Variants in MALRD1 observed in about 807,000 individuals in gnomAD.
MALRD1 encodes the protein MAM and LDL receptor class A domain containing 1, also known as MAM and LDL-receptor class A domain-containing protein 1.
MALRD1 carries 247 observed loss-of-function variants against 242.1 expected under a neutral mutation model. That is an observed-to-expected ratio of 1.02 (90% confidence interval 0.92 to 1.13). The LOEUF (loss-of-function observed/expected upper bound fraction) is 1.13, where lower values mean the gene tolerates loss of function less well. MALRD1 is among the 50% of genes most tolerant of loss of function. The probability of loss-of-function intolerance (pLI) is 0.00; values close to 1 mark genes in which losing one functional copy is unlikely to be tolerated. For synonymous variants in MALRD1, 995 were observed against 866.6 expected, an observed-to-expected ratio of 1.15 and a Z score of -2.60; for missense variants, 2,989 against 2,533.1, an observed-to-expected ratio of 1.18 and a Z score of -3.86.
intron 32 of MALRD1, among the ~76,000 whole-genome samples, chr10:19,539,924 G>A (rs1228012951): frequency 7.0e-6 from 1 of 143,320 alleles, no homozygotes. Flanking sequence ...GCACACACGC[G>A]CAGTGATGGG....
chr10:19,367,765 GTATT>G (rs1436275888), intron 26 of MALRD1, among the ~76,000 whole-genome samples: 2 of 151,938 alleles, frequency 1.3e-5, no homozygotes, highest in African/African-American at 2.4e-5. Context: ...ATTCTCACCA[GTATT>G]TATTTTTTGT....
At chr10:19,193,732 C>G (rs1370600860) in intron 14 of MALRD1, among the ~76,000 whole-genome samples, 1 of 151,912 alleles carries the variant, frequency 6.6e-6, no homozygotes, top group Non-Finnish European at 1.5e-5. Flanking sequence ...TTTAAGCAAG[C>G]AACTTGAGTT....
chr10:19,372,553 C>G (rs1051484125), intron 26 of MALRD1, among the ~76,000 whole-genome samples: 1 of 151,874 alleles, frequency 6.6e-6, no homozygotes, highest in Non-Finnish European at 1.5e-5. Flanking sequence ...ACTGCAACCT[C>G]CACCTCCCAG....
chr10:19,449,041 T>G (rs1333294060), intron 28 of MALRD1, among the ~76,000 whole-genome samples: 1 of 152,182 alleles, frequency 6.6e-6, no homozygotes, highest in Non-Finnish European at 1.5e-5. Flanking sequence ...GAAGTTTGGA[T>G]AGCTAATTAC....
chr10:19,726,059 G>A (rs1474436534), intron 38 of MALRD1, among the ~76,000 whole-genome samples: 1 of 152,076 alleles, frequency 6.6e-6, no homozygotes, highest in Non-Finnish European at 1.5e-5. Flanking sequence ...TCTTAAATAT[G>A]ACACCAAAAG....
Position 19,311,781 on chromosome 10 carries a change from C to A in MALRD1, c.3420-12168C>A, listed in dbSNP as rs571063452. Among the ~76,000 whole-genome samples the A allele has an allele frequency of 2.9e-3, 444 of 151,472 alleles. 2 individuals are homozygous for A. Among genetic ancestry groups the A allele is most frequent in the African/African-American group, 1.0e-2 (413 of 41,442 alleles). Reference sequence around the variant, plus strand: ...ACCCTTTCACTATTCATGTTCAAATCAAAGTTTCCTTTCAACAGTATTTAA... The same window carrying A: ...ACCCTTTCACTATTCATGTTCAAATAAAAGTTTCCTTTCAACAGTATTTAA... On this transcript the variant is annotated intron_variant, in intron 21 of 39. Transcript: ENST00000454679.
At position 19,158,511 on chromosome 10, in the gene MALRD1, AG is replaced by A. The variant is rs1564429936; in HGVS notation, c.1656+3342del. 3.9e-5 allele frequency among the ~76,000 whole-genome samples: 6 copies of A among 152,346 alleles called. 1 individual carries two copies. In the South Asian group the frequency reaches 1.2e-3, roughly 32 times the overall value. On this transcript the variant is annotated intron_variant, in intron 12 of 39. Coordinates refer to ENST00000454679, the MANE Select transcript of MALRD1 (RefSeq NM_001142308.3). ...CATATTTGAGTCTGCCAATGCAGAG[AG>A]GGCCACATGTGGTTCAGATTCAAGG...
intron 33 of MALRD1, among the ~76,000 whole-genome samples, chr10:19,587,497 T>G (rs1052366961): frequency 2.0e-5 from 3 of 152,224 alleles, no homozygotes; most frequent in Non-Finnish European, 4.4e-5. Context: ...TAAAAATCCA[T>G]CAGATTATCC....
intron 19 of MALRD1, among the ~76,000 whole-genome samples, chr10:19,275,401 G>A (rs940445633): frequency 3.3e-5 from 5 of 152,142 alleles, no homozygotes; most frequent in Non-Finnish European, 7.3e-5. Flanking sequence ...GGGTGCGGTG[G>A]CTCACGCCTG....
intron 8 of MALRD1, among the ~76,000 whole-genome samples, chr10:19,128,888 C>G (rs752455520): frequency 6.6e-6 from 1 of 152,046 alleles, no homozygotes; most frequent in Non-Finnish European, 1.5e-5. Flanking sequence ...CCAATATGCT[C>G]GATGAGTTCT....
chr10:19,267,502 A>G (rs189971295), intron 19 of MALRD1, among the ~76,000 whole-genome samples: 8 of 151,986 alleles, frequency 5.3e-5, no homozygotes, highest in African/African-American at 1.7e-4. Context: ...TCAGTGTCTC[A>G]CCAGCTTTAT....
chr10:19,718,606 A>G (rs1456010958), intron 38 of MALRD1, among the ~76,000 whole-genome samples: 1 of 152,178 alleles, frequency 6.6e-6, no homozygotes, highest in Non-Finnish European at 1.5e-5. Context: ...GCATTTCATC[A>G]TGAGATTTGA....
intron 18 of MALRD1, among the ~76,000 whole-genome samples, chr10:19,222,503 C>A (rs10508580): frequency 6.6e-6 from 1 of 151,974 alleles, no homozygotes; most frequent in Non-Finnish European, 1.5e-5. Flanking sequence ...ACGTGTAATA[C>A]GAAGAAAATT....
chr10:19,711,306 A>T (rs1374984077), intron 38 of MALRD1: 2 of 152,218 alleles, frequency 1.3e-5, no homozygotes. Context: ...AAAAAGAAAC[A>T]CATAAGTCAG....
rs1005627607 is a variant in MALRD1, at chr10:19,141,392, G to A, written c.1411+4611G>A. Among the ~76,000 whole-genome samples, 3 of 152,130 alleles carry A rather than the reference G, an allele frequency of 2.0e-5. 1 individual carries two copies. The highest frequency in any genetic ancestry group is 4.4e-5 in the Non-Finnish European group (3 of 68,034). ...CCAGGGTTTGAGGGGAGGGGAGATG[G>A]AAATTATTGCTTAATGGGGGTGGAG... On this transcript the variant is annotated intron_variant, in intron 10 of 39. Coordinates refer to ENST00000454679, the MANE Select transcript of MALRD1 (RefSeq NM_001142308.3).
intron 32 of MALRD1, 61 bp from the exon 33 acceptor site, chr10:19,567,440 CT>C: frequency 7.4e-7 from 1 of 1,352,392 alleles, no homozygotes; most frequent in South Asian, 1.3e-5. Context: ...CATCAATCAT[CT>C]GGATGTCCTG....
chr10:19,204,939 A>C lies in MALRD1; in HGVS notation c.2252A>C (p.Gln751Pro). The change falls in exon 17 of 40, where the codon CAG becomes CCG. Residue 751 changes from glutamine (Q) to proline (P), a missense_variant. By Grantham distance (76) the Gln-to-Pro change is moderately conservative (BLOSUM62 -1). Transcript: ENST00000454679. The stretch of plus-strand genomic sequence containing the variant: ...CTGTCAGTGGGAGCAGCTGAGCTGC[A>C]GCTACATATGGAAAATTCTCATGAC... ...YGLSVGAAEL[Q>P]LHMENSHDST... 1 of 1,550,294 alleles carries C rather than the reference A, an allele frequency of 6.5e-7. No homozygotes were observed. The highest frequency in any genetic ancestry group is 8.7e-7 in the Non-Finnish European group (1 of 1,146,738).
intron 26 of MALRD1, among the ~76,000 whole-genome samples, chr10:19,370,451 T>A (rs1288868824): frequency 1.3e-5 from 2 of 150,984 alleles, no homozygotes; most frequent in East Asian, 3.8e-4. Context: ...TTTAAAAAAA[T>A]TGTCTCTACT....
At chr10:19,389,129 C>G (rs1412689018) in intron 27 of MALRD1, 1 of 402,984 alleles carries the variant, frequency 2.5e-6, no homozygotes, top group East Asian at 6.6e-5. Flanking sequence ...GTAGTCTTTA[C>G]ATTATTTTAC....
Sources: allele counts gnomAD v4.1 joint callset (sites outside exome capture counted in the v4.1 genomes callset), GRCh38; gene constraint gnomAD v4.1.1; transcripts MANE v1.5; gene names NCBI Gene and HGNC (gene_info 2026-07-23, HGNC 2026-07-21).